ELF5: variants seen among roughly 807,000 people sequenced by gnomAD.
The protein encoded by ELF5 is E74 like ETS transcription factor 5, also known as ETS-related transcription factor Elf-5.
In ELF5, 31 loss-of-function variants were observed where a neutral mutation model predicts 38.2. The observed-to-expected ratio is 0.81, with a 90% CI of 0.61 to 1.10. ELF5 has a LOEUF of 1.10. Ranked by LOEUF, ELF5 falls within the 50% of genes least tolerant of loss-of-function variation. The pLI is 0.00. For synonymous variants in ELF5, 121 were observed against 112.5 expected (o/e 1.08, Z -0.48); for missense variants, 300 against 306.6 (o/e 0.98, Z 0.16).
At position 34,490,197 on chromosome 11, in the gene ELF5, G is replaced by A. The variant is rs879178976; in HGVS notation, c.356-138C>T. On this transcript the variant is annotated intron_variant, in intron 3 of 6. Coordinates refer to ENST00000257832, the MANE Select transcript of ELF5 (RefSeq NM_001422.4). ...GTTACAATTTAGAGGGAACCTTGGA[G>A]ACCATCTGGTCTTAGAGTGTCACCC... 17 of 894,908 alleles carry A rather than the reference G, an allele frequency of 1.9e-5. No homozygotes were observed. The South Asian group carries it at 1.9e-4, about 10-fold the overall frequency. The allele number at this position is 894,908 out of a possible 1,614,324, so 55.4% of individuals were successfully genotyped here.
intron 2 of ELF5, among the ~76,000 whole-genome samples, chr11:34,493,972 CA>C (rs1396135705): frequency 1.3e-5 from 2 of 149,418 alleles, no homozygotes; most frequent in Admixed American, 1.3e-4. Context: ...TGCTGATGCT[CA>C]AAAAAAAAGG....
At chr11:34,481,268 C>T (rs1856938047) in intron 5 of ELF5, among the ~76,000 whole-genome samples, 2 of 152,100 alleles carry the variant, frequency 1.3e-5, no homozygotes, top group Non-Finnish European at 2.9e-5. Context: ...AGGTGTTGTA[C>T]CCGCCTCAGC....
intron 2 of ELF5, among the ~76,000 whole-genome samples, chr11:34,502,939 A>T (rs1173059391): frequency 2.0e-5 from 3 of 152,192 alleles, no homozygotes; most frequent in African/African-American, 2.4e-5. Flanking sequence ...CTGTGTCTGA[A>T]TGTCTAAGAC....
At chr11:34,483,421 C>T (rs1213519840) in intron 4 of ELF5, among the ~76,000 whole-genome samples, 5 of 151,868 alleles carry the variant, frequency 3.3e-5, no homozygotes, top group African/African-American at 9.7e-5. Flanking sequence ...AGCACACTGC[C>T]GGGCATATAG....
At chr11:34,509,165 A>G (rs890862785) in intron 1 of ELF5, among the ~76,000 whole-genome samples, 8 of 152,178 alleles carry the variant, frequency 5.3e-5, no homozygotes, top group Non-Finnish European at 1.0e-4. Flanking sequence ...CCCCGTCTCC[A>G]CTAAAAACAC....
intron 1 of ELF5, among the ~76,000 whole-genome samples, chr11:34,510,354 A>G (rs1378982164): frequency 2.0e-5 from 3 of 149,914 alleles, no homozygotes; most frequent in Non-Finnish European, 4.4e-5. Flanking sequence ...GGGTGTTATT[A>G]ACTCTGGGCT....
rs185498936 is a variant in ELF5 at position 34,508,444 on chromosome 11, A to G, written c.-4-2691T>C. 2.7e-4 allele frequency among the ~76,000 whole-genome samples: 41 copies of G among 152,294 alleles called. No individual in the cohort carries two copies. The East Asian group carries it at 7.7e-3, about 29-fold the overall frequency. ...CTTGAACCTGGGAGGCAGAGGTTGC[A>G]GTGAACCGAGATTGTGCCACTGCAC... is the stretch of plus-strand genomic sequence containing the variant. On this transcript the variant is annotated intron_variant, in intron 1 of 6. Transcript: ENST00000257832.
Position 34,500,554 on chromosome 11 carries a change from C to T in ELF5, c.121+5075G>A, listed in dbSNP as rs568667046. ...TGCAAAGTAGCCATGGCCTTGGGAG[C>T]GTGGAGTTAGGAAGGGGCCAAGAGA... On this transcript the variant is annotated intron_variant, in intron 2 of 6. Coordinates refer to ENST00000257832, the MANE Select transcript of ELF5 (RefSeq NM_001422.4). Among the ~76,000 whole-genome samples, 152 of 152,244 alleles carry T rather than the reference C, an allele frequency of 1.0e-3. 4 individuals are homozygous for T. The highest frequency in any genetic ancestry group is 3.4e-4 in the Non-Finnish European group (23 of 68,020).
At chr11:34,500,242 G>A (rs368853344) in intron 2 of ELF5, among the ~76,000 whole-genome samples, 1 of 152,210 alleles carries the variant, frequency 6.6e-6, no homozygotes, top group South Asian at 2.1e-4. Flanking sequence ...TACTAGCATA[G>A]GGAGTTGGGA....
chr11:34,487,193 G>A (rs55898107), intron 4 of ELF5, among the ~76,000 whole-genome samples: 44,785 of 151,996 alleles, frequency 0.29, 8,698 homozygotes, highest in Non-Finnish European at 0.42. Context: ...GTCCTGGCCA[G>A]GGCATTGAGG....
At chr11:34,481,638 C>T (rs559758610) in intron 5 of ELF5, among the ~76,000 whole-genome samples, 1 of 152,308 alleles carries the variant, frequency 6.6e-6, no homozygotes, top group East Asian at 1.9e-4. Flanking sequence ...ACTGATTCCA[C>T]AGCCACAACT....
At chr11:34,511,748 G>A (rs560225786) in intron 1 of ELF5, 21 of 675,578 alleles carry the variant, frequency 3.1e-5, no homozygotes, top group African/African-American at 3.1e-4. Flanking sequence ...TGAGCAACCC[G>A]GCACCCCTGC....
intron 1 of ELF5, among the ~76,000 whole-genome samples, chr11:34,508,965 G>T (rs1241108789): frequency 2.0e-5 from 3 of 152,196 alleles, no homozygotes; most frequent in African/African-American, 7.2e-5. Context: ...AGGATTGTGT[G>T]ATTCTGAAAC....
intron 2 of ELF5, among the ~76,000 whole-genome samples, chr11:34,496,245 C>A (rs1199584729): frequency 6.6e-6 from 1 of 152,238 alleles, no homozygotes; most frequent in East Asian, 1.9e-4. Context: ...TGAAGCTCAC[C>A]CACAGAGCGG....
chr11:34,501,891 T>G (rs977655831), intron 2 of ELF5, among the ~76,000 whole-genome samples: 1 of 152,194 alleles, frequency 6.6e-6, no homozygotes, highest in Non-Finnish European at 1.5e-5. Context: ...TAGACATCAT[T>G]TGTCTAGAAG....
intron 3 of ELF5, 93 bp from the exon 4 acceptor site, chr11:34,490,152 G>C: frequency 1.5e-6 from 2 of 1,364,168 alleles, no homozygotes; most frequent in East Asian, 4.6e-5. Context: ...GAAGTGGAGT[G>C]ACTGTCCCTC....
intron 3 of ELF5, among the ~76,000 whole-genome samples, chr11:34,491,181 G>A (rs1289088393): frequency 1.3e-5 from 2 of 152,142 alleles, no homozygotes; most frequent in African/African-American, 4.8e-5. Flanking sequence ...TCTAAATGGA[G>A]ACACTTTTGA....
chr11:34,483,466 A>G (rs1442968669), intron 4 of ELF5, among the ~76,000 whole-genome samples: 2 of 151,948 alleles, frequency 1.3e-5, no homozygotes, highest in African/African-American at 4.8e-5. Context: ...CCACTGTGCT[A>G]TGCTATAGTA....
At chr11:34,502,487 G>A (rs1251211547) in intron 2 of ELF5, among the ~76,000 whole-genome samples, 1 of 152,254 alleles carries the variant, frequency 6.6e-6, no homozygotes, top group African/African-American at 2.4e-5. Context: ...CAACGTCCTT[G>A]TTGATAAAAG....
Sources: allele counts gnomAD v4.1 joint callset (sites outside exome capture counted in the v4.1 genomes callset), GRCh38; gene constraint gnomAD v4.1.1; transcripts MANE v1.5; gene names NCBI Gene and HGNC (gene_info 2026-07-23, HGNC 2026-07-21).